ANKRD36C: variants seen among roughly 807,000 people sequenced by gnomAD.
The protein encoded by ANKRD36C is ankyrin repeat domain 36C, also known as ankyrin repeat domain-containing protein 36C.
A neutral mutation model predicts 276.4 loss-of-function variants in ANKRD36C; 61 were observed. The observed-to-expected ratio is 0.22, with a 90% CI of 0.18 to 0.27. The LOEUF (loss-of-function observed/expected upper bound fraction) is 0.27, where lower values mean the gene tolerates loss of function less well. Ranked by LOEUF, ANKRD36C falls within the 10% of genes least tolerant of loss-of-function variation. The pLI is 1.00. For synonymous variants in ANKRD36C, 483 were observed against 680.1 expected, an observed-to-expected ratio of 0.71 and a Z score of 4.51; for missense variants, 1,447 against 2,032.3, an observed-to-expected ratio of 0.71 and a Z score of 5.54.
At chr2:95,878,455 T>G (rs1198115784) in intron 58 of ANKRD36C, among the ~76,000 whole-genome samples, 9 of 152,166 alleles carry the variant, frequency 5.9e-5, no homozygotes, top group Admixed American at 5.9e-4. Context: ...GTAAAATCAG[T>G]CAAAGTTTCT....
chr2:95,929,506 CAT>C (rs1335754428), intron 24 of ANKRD36C, among the ~76,000 whole-genome samples: 2 of 151,438 alleles, frequency 1.3e-5, no homozygotes, highest in Non-Finnish European at 3.0e-5. Context: ...TGACTTTCTC[CAT>C]ATGTCTAAAA....
In ANKRD36C at chr2:95,910,446, C is replaced by G. The variant is rs778827313; in HGVS notation, c.2653+1798G>C. On this transcript the variant is annotated intron_variant, in intron 42 of 66. Transcript: ENST00000456556. ...CAGAATCTTCCTCGTCACTTGTAGC[C>G]TGAATAGAATTTGAAACGAAATAAT... The G allele has an allele frequency of 6.4e-7, 1 of 1,571,794 alleles. No individual in the cohort carries two copies. Among genetic ancestry groups the G allele is most frequent in the African/African-American group, 1.4e-5 (1 of 73,302 alleles).
chr2:95,853,383 A>G, intron 64 of ANKRD36C: 1 of 199,848 alleles, frequency 5.0e-6, no homozygotes, highest in East Asian at 1.5e-4. Context: ...GACGTTTAAC[A>G]GGAAAAAAAC....
At chr2:95,865,034 A>G (rs1026882560) in intron 60 of ANKRD36C, among the ~76,000 whole-genome samples, 2 of 152,072 alleles carry the variant, frequency 1.3e-5, no homozygotes, top group African/African-American at 4.8e-5. Flanking sequence ...TAGTTTTATA[A>G]AAATGTATAT....
chr2:95,856,977 G>C (rs928519508), intron 62 of ANKRD36C, among the ~76,000 whole-genome samples: 7 of 152,022 alleles, frequency 4.6e-5, no homozygotes, highest in African/African-American at 1.4e-4. Flanking sequence ...TTGCTATTGT[G>C]ATAACTTTTA....
chr2:95,863,911 C>T (rs1675634266), intron 60 of ANKRD36C, among the ~76,000 whole-genome samples: 1 of 152,022 alleles, frequency 6.6e-6, no homozygotes, highest in African/African-American at 2.4e-5. Context: ...CATCATTGTA[C>T]ATTTGTCCAA....
chr2:95,855,017 TTAA>T (rs1196128285), intron 63 of ANKRD36C, among the ~76,000 whole-genome samples: 1 of 152,216 alleles, frequency 6.6e-6, no homozygotes, highest in Non-Finnish European at 1.5e-5. Context: ...GACTACATTA[TTAA>T]TGTTAGTCTA....
chr2:95,960,346 C>T (rs71250566), intron 10 of ANKRD36C, 127 bp downstream of exon 10: 105 of 1,255,236 alleles, frequency 8.4e-5, no homozygotes, highest in East Asian at 5.6e-4. Flanking sequence ...TTATTACAAA[C>T]GCAGAATCTC....
intron 59 of ANKRD36C, among the ~76,000 whole-genome samples, chr2:95,873,641 C>T (rs1335691932): frequency 6.6e-6 from 1 of 152,224 alleles, no homozygotes; most frequent in Non-Finnish European, 1.5e-5. Context: ...CCTCTCTCAC[C>T]ACTCCTATTC....
At chr2:95,948,301 T>G (rs2104478731) in intron 17 of ANKRD36C, among the ~76,000 whole-genome samples, 1 of 152,092 alleles carries the variant, frequency 6.6e-6, no homozygotes, top group East Asian at 1.9e-4. Context: ...TTCCAGCAAT[T>G]TTTTTTTCAG....
At position 95,880,723 on chromosome 2, in the gene ANKRD36C, T is replaced by G. The variant is rs185998867; in HGVS notation, c.3368-100A>C. The G allele has an allele frequency of 3.4e-3, 4,819 of 1,410,142 alleles. 22 individuals are homozygous for G. The highest frequency in any genetic ancestry group is 3.7e-3 in the Non-Finnish European group (3,823 of 1,032,146). The allele number at this position is 1,410,142 out of a possible 1,614,324, so 87.4% of individuals were successfully genotyped here. A position where few individuals can be genotyped will look rare whatever the true frequency, so the allele number is the denominator to read the frequency against. ...ACATCAAACTGAATACTCTTGCCTG[T>G]ATTAGTGTAGGGTTTCATGTTTTTC... On this transcript the variant is annotated intron_variant, in intron 56 of 66. Coordinates refer to ENST00000456556, the Ensembl canonical transcript of ANKRD36C.
Position 95,921,753 on chromosome 2 carries a change from G to A in ANKRD36C, c.2172+29C>T, listed in dbSNP as rs1396140012. 4 of 1,596,760 alleles carry A rather than the reference G, an allele frequency of 2.5e-6. No homozygotes were observed. The Admixed American group carries it at 6.9e-5, about 28-fold the overall frequency. On this transcript the variant is annotated intron_variant, in intron 33 of 66. Transcript: ENST00000456556. ...TGTTTCATAGACTATAGATTCACTAGTTCACAATATAAATGAAAGTTTAAT... is the reference window on the plus strand; with the variant it reads ...TGTTTCATAGACTATAGATTCACTAATTCACAATATAAATGAAAGTTTAAT...
At chr2:95,957,888 A>G (rs1272204362) in intron 12 of ANKRD36C, among the ~76,000 whole-genome samples, 1 of 152,178 alleles carries the variant, frequency 6.6e-6, no homozygotes, top group Non-Finnish European at 1.5e-5. Flanking sequence ...TGACTAACTG[A>G]TAACAACAAA....
chr2:95,918,538 A>G (rs190536217), intron 34 of ANKRD36C, among the ~76,000 whole-genome samples: 1 of 151,658 alleles, frequency 6.6e-6, no homozygotes, highest in South Asian at 2.1e-4. Flanking sequence ...TACACTTCAC[A>G]TCCCTTCAGT....
intron 14 of ANKRD36C, among the ~76,000 whole-genome samples, chr2:95,952,314 G>T (rs367699576): frequency 1.8e-3 from 262 of 144,678 alleles, no homozygotes; most frequent in African/African-American, 6.5e-3. Context: ...AGTTTCATTT[G>T]TTTACTATAA....
intron 1 of ANKRD36C, among the ~76,000 whole-genome samples, chr2:95,991,304 TC>T (rs1659887438): frequency 1.9e-5 from 1 of 51,572 alleles, no homozygotes; most frequent in Admixed American, 2.2e-4. Flanking sequence ...CCCACTCCCA[TC>T]CCCCAACTCA....
At position 95,920,496 on chromosome 2, in the gene ANKRD36C, C is replaced by G. The variant is rs1207661246; in HGVS notation, c.2245+1111G>C. On this transcript the variant is annotated intron_variant, in intron 34 of 66. Transcript: ENST00000456556. ...ACCTAGTAGATAATATTCATTATCT[C>G]TCACACCCATGTGGTGTAATAATTT... 4.5e-5 allele frequency among the ~76,000 whole-genome samples: 6 copies of G among 132,506 alleles called. 1 individual carries two copies. Among genetic ancestry groups the G allele is most frequent in the African/African-American group, 1.6e-4 (6 of 38,014 alleles). The allele number at this position is 132,506 out of a possible 152,430, so 86.9% of individuals were successfully genotyped here. A position where few individuals can be genotyped will look rare whatever the true frequency, so the allele number is the denominator to read the frequency against.
exon 65 of ANKRD36C, chr2:95,852,155 A>G: frequency 1.2e-6 from 2 of 1,608,846 alleles, no homozygotes; most frequent in South Asian, 2.2e-5. Flanking sequence ...TCTCCTTAGT[A>G]CATCTTATAG....
Position 95,853,813 on chromosome 2 carries a change from G to A in ANKRD36C, c.5044C>T (p.Arg1682Ter). 1.2e-6 allele frequency: 2 copies of A among 1,608,038 alleles called. No individual in the cohort carries two copies. The highest frequency in any genetic ancestry group is 2.2e-5 in the South Asian group (2 of 90,420). The change falls in exon 64 of 67, where the codon CGA becomes TGA. Residue 1682 changes from arginine to a stop codon, truncating the protein, a stop_gained. Coordinates refer to ENST00000456556, the Ensembl canonical transcript of ANKRD36C. LOFTEE classifies it high-confidence loss of function. ...TCCAGCAAAGCTTTTGTTGCTGATC[G>A]TTTGTTTAAGACATCATCTTGTTTT... is the stretch of plus-strand genomic sequence containing the variant.
Sources: gnomAD v4.1 joint callset for allele counts (sites outside exome capture counted in the v4.1 genomes callset) on GRCh38, gnomAD v4.1.1 for gene constraint, MANE v1.5 for transcripts, NCBI Gene and HGNC (gene_info 2026-07-23, HGNC 2026-07-21) for gene names.